The following PXYLP1 variants were observed in gnomAD, a reference collection of about 807,000 sequenced individuals.
PXYLP1 encodes the protein 2-phosphoxylose phosphatase 1.
PXYLP1 carries 17 observed loss-of-function variants against 37.9 expected under a neutral mutation model. The ratio of observed to expected loss-of-function variants is 0.45; its 90% CI spans 0.31 to 0.67. PXYLP1 has a LOEUF of 0.67. PXYLP1 is among the 30% of genes least tolerant of loss of function. PXYLP1 has a pLI of 0.07. For synonymous variants in PXYLP1, 221 were observed against 232.2 expected (o/e 0.95, Z 0.44); for missense variants, 511 against 612.0 (o/e 0.84, Z 1.74).
Position 141,244,710 on chromosome 3 carries a change from T to C in PXYLP1, c.-54+12799T>C, listed in dbSNP as rs561266822. On this transcript the variant is annotated intron_variant, in intron 1 of 5. Transcript: ENST00000286353. Reference sequence around the variant, plus strand: ...TTTTTTAAGGCTGAATCGTGTTCCATTGTTTGGACAAACTGTGATTTTCCA... The same window carrying C: ...TTTTTTAAGGCTGAATCGTGTTCCACTGTTTGGACAAACTGTGATTTTCCA... Among the ~76,000 whole-genome samples the C allele has an allele frequency of 1.1e-4, 16 of 151,696 alleles. 1 individual carries two copies. The highest frequency in any genetic ancestry group is 3.9e-4 in the African/African-American group (16 of 41,294).
intron 3 of PXYLP1, among the ~76,000 whole-genome samples, chr3:141,279,121 C>A (rs1048361423): frequency 6.6e-6 from 1 of 152,226 alleles, no homozygotes; most frequent in Non-Finnish European, 1.5e-5. Context: ...ACCAGCCTCC[C>A]GTTGTTTCCA....
chr3:141,259,725 A>C (rs922608105), intron 1 of PXYLP1, among the ~76,000 whole-genome samples: 8 of 152,206 alleles, frequency 5.3e-5, no homozygotes, highest in Non-Finnish European at 1.2e-4. Context: ...CCACCAAAAA[A>C]CCTTGAAGAT....
intron 2 of PXYLP1, among the ~76,000 whole-genome samples, chr3:141,261,587 C>A (rs1333324167): frequency 6.6e-6 from 1 of 152,172 alleles, no homozygotes. Flanking sequence ...ATCAGCCTCC[C>A]TAAGTTCTGG....
At chr3:141,232,260 C>G (rs1259904181) in intron 1 of PXYLP1, 1 of 152,472 alleles carries the variant, frequency 6.6e-6, no homozygotes, top group Non-Finnish European at 1.5e-5. Flanking sequence ...CCGGCTCTGT[C>G]TCCAAGCCCT....
At chr3:141,245,478 C>T (rs1378193637) in intron 1 of PXYLP1, among the ~76,000 whole-genome samples, 1 of 152,134 alleles carries the variant, frequency 6.6e-6, no homozygotes, top group African/African-American at 2.4e-5. Flanking sequence ...TCCTTTTTTC[C>T]TTTCACATTA....
chr3:141,282,866 G>A (rs988264197), intron 4 of PXYLP1, among the ~76,000 whole-genome samples: 2 of 152,210 alleles, frequency 1.3e-5, no homozygotes, highest in Non-Finnish European at 1.5e-5. Context: ...TGGAATTAGA[G>A]AACACAGAAG....
In PXYLP1 at chr3:141,292,813, C is replaced by T. The variant is rs1407773304; in HGVS notation, c.1051C>T (p.Pro351Ser). The T allele has an allele frequency of 6.2e-7, 1 of 1,613,682 alleles. No homozygotes were observed. The highest frequency in any genetic ancestry group is 1.7e-5 in the Admixed American group (1 of 59,938). The change falls in exon 6 of 6, where the codon CCC becomes TCC. Residue 351 changes from proline to serine, a missense_variant. Transcript: ENST00000286353. This position sits in a 1 kb window ranked among gnomAD's most constrained non-coding sequence, Gnocchi z 4.3. ...CGGGTATTCTCTCCTGGGTGCCCAC[C>T]CCATCCTGAACCAAACCATCGGCCG... The part of the protein sequence containing the change: ...YFGYSLLGAH[P>S]ILNQTIGRMQ...
At chr3:141,236,300 C>A (rs891916750) in intron 1 of PXYLP1, 1 of 152,188 alleles carries the variant, frequency 6.6e-6, no homozygotes, top group African/African-American at 2.4e-5. Context: ...GTCACCTGCT[C>A]GCCACCCTTA....
At chr3:141,243,653 C>T (rs140087980) in intron 1 of PXYLP1, among the ~76,000 whole-genome samples, 1 of 152,340 alleles carries the variant, frequency 6.6e-6, no homozygotes, top group African/African-American at 2.4e-5. Flanking sequence ...GTGCCTGTAG[C>T]CTTTGTCTGT....
chr3:141,274,343 G>A (rs1941739606), intron 2 of PXYLP1: 1 of 1,411,882 alleles, frequency 7.1e-7, no homozygotes, highest in Non-Finnish European at 9.2e-7. Flanking sequence ...AGGCCAACCT[G>A]ACCAGGCCTT....
rs1489559393 is a variant in PXYLP1 at position 141,287,374 on chromosome 3, C to T, written c.426C>T (p.Ala142=). 1.2e-6 allele frequency: 2 copies of T among 1,614,050 alleles called. No individual in the cohort carries two copies. Among genetic ancestry groups the T allele is most frequent in the Non-Finnish European group, 1.7e-6 (2 of 1,180,032 alleles). Reference sequence around the variant, plus strand: ...GTCACATGTCAAAAGGATCCGGAGCCTCTTTCGAAAGCCCCTTGAACTCCT... The same window carrying T: ...GTCACATGTCAAAAGGATCCGGAGCTTCTTTCGAAAGCCCCTTGAACTCCT... ...FISHMSKGSG[A]SFESPLNSLP... Residue 142 remains alanine (A), a synonymous_variant, in exon 5 of 6, where the codon GCC becomes GCT. Transcript: ENST00000286353.
chr3:141,274,733 C>A (rs1049041853), intron 2 of PXYLP1: 12 of 693,076 alleles, frequency 1.7e-5, no homozygotes, highest in African/African-American at 1.6e-4. Context: ...AACTGGGACA[C>A]CCCTGCTTGC....
intron 1 of PXYLP1, among the ~76,000 whole-genome samples, chr3:141,255,546 G>A (rs1235972418): frequency 1.3e-5 from 2 of 152,234 alleles, no homozygotes; most frequent in East Asian, 3.8e-4. Flanking sequence ...GACTCTTCCT[G>A]TGGATCTTAT....
intron 4 of PXYLP1, among the ~76,000 whole-genome samples, chr3:141,280,797 C>T (rs1941934886): frequency 6.6e-6 from 1 of 152,140 alleles, no homozygotes; most frequent in Admixed American, 6.5e-5. Flanking sequence ...GGTGGTGTGC[C>T]CTGGAGCATG....
chr3:141,241,657 G>A (rs1044987142), intron 1 of PXYLP1, among the ~76,000 whole-genome samples: 4 of 152,206 alleles, frequency 2.6e-5, no homozygotes, highest in East Asian at 1.9e-4. Context: ...TGCCAGAGTC[G>A]TGCGAGATGG....
intron 2 of PXYLP1, among the ~76,000 whole-genome samples, chr3:141,271,805 C>T (rs1941670349): frequency 6.6e-6 from 1 of 152,156 alleles, no homozygotes; most frequent in African/African-American, 2.4e-5. Context: ...TGCCTAGAGT[C>T]AGGTCCTCAT....
intron 1 of PXYLP1, among the ~76,000 whole-genome samples, chr3:141,249,052 A>C (rs995187065): frequency 1.7e-4 from 26 of 152,014 alleles, no homozygotes; most frequent in Non-Finnish European, 3.5e-4. Flanking sequence ...GGCCACCTCC[A>C]TGGGCAGGAG....
intron 4 of PXYLP1, among the ~76,000 whole-genome samples, chr3:141,285,474 C>T (rs1401726605): frequency 6.6e-6 from 1 of 151,744 alleles, no homozygotes; most frequent in Non-Finnish European, 1.5e-5. Flanking sequence ...GTTTTTCTTC[C>T]ACAAATCTTC....
chr3:141,260,315 G>T, intron 2 of PXYLP1, 61 bp downstream of exon 2: 1 of 1,554,114 alleles, frequency 6.4e-7, no homozygotes. Context: ...AAACAAGGAG[G>T]CCCCAAAGGC....
Sources: gnomAD v4.1 joint callset for allele counts (sites outside exome capture counted in the v4.1 genomes callset) on GRCh38, gnomAD v4.1.1 for gene constraint, Gnocchi (gnomAD v3.1) non-coding constraint, MANE v1.5 for transcripts, NCBI Gene and HGNC (gene_info 2026-07-23, HGNC 2026-07-21) for gene names.